The following JAG1 variants were observed in gnomAD, a reference collection of about 807,000 sequenced individuals.
The protein encoded by JAG1 is protein jagged-1.
Under a neutral mutation model 148.7 loss-of-function variants are expected in JAG1, and 23 were observed. That is an observed-to-expected ratio of 0.15 (90% CI 0.11 to 0.22). The LOEUF (loss-of-function observed/expected upper bound fraction) is 0.22, where lower values mean the gene tolerates loss of function less well. Ranked by LOEUF, JAG1 falls within the 10% of genes least tolerant of loss-of-function variation. The pLI is 1.00. For missense variants in JAG1, 1,054 were observed against 1,611.2 expected, an observed-to-expected ratio of 0.65 and a Z score of 5.92; for synonymous variants, 572 against 598.3, an observed-to-expected ratio of 0.96 and a Z score of 0.64.
chr20:10,639,465 A>T lies in JAG1; in HGVS notation c.*33T>A. ...AGTTTAAAGAACTACAAGCCCTCAG[A>T]CTCTACCTAGCGGCGGCAGTGCCCG... On this transcript the variant is annotated 3_prime_UTR_variant, in exon 26 of 26. Transcript: ENST00000254958. The T allele has an allele frequency of 6.4e-7, 1 of 1,573,900 alleles. No homozygotes were observed. The highest frequency in any genetic ancestry group is 1.1e-5 in the South Asian group (1 of 90,298).
At chr20:10,669,014 G>GTTAC (rs887271642) in intron 2 of JAG1, among the ~76,000 whole-genome samples, 1 of 124,744 alleles carries the variant, frequency 8.0e-6, no homozygotes, top group African/African-American at 3.2e-5. Context: ...AACACAGAAG[G>GTTAC]TTACACCTGC....
At chr20:10,659,939 C>G (rs770674802) in intron 3 of JAG1, among the ~76,000 whole-genome samples, 1 of 152,164 alleles carries the variant, frequency 6.6e-6, no homozygotes, top group Non-Finnish European at 1.5e-5. Flanking sequence ...TCTGAAAAGG[C>G]AGCAAGGCAC....
intron 5 of JAG1, among the ~76,000 whole-genome samples, chr20:10,655,942 C>T (rs1460046487): frequency 1.3e-5 from 2 of 152,088 alleles, no homozygotes; most frequent in Non-Finnish European, 2.9e-5. Context: ...ACCCAGCTCC[C>T]GCCTGCAAAG....
Position 10,651,608 on chromosome 20 carries a change from C to A in JAG1, c.1093G>T (p.Gly365Cys). Reference sequence around the variant, plus strand: ...GTAGAGCATGTGGGGCCGGTCCAGCCTGGGGAACACTCACACTCAAAGCCC... The same window carrying A: ...GTAGAGCATGTGGGGCCGGTCCAGCATGGGGAACACTCACACTCAAAGCCC... ...SLGFECECSP[G>C]WTGPTCSTNI... The change falls in exon 8 of 26, where the codon GGC becomes TGC. Residue 365 changes from glycine (G) to cysteine (C), a missense_variant. Physicochemically the swap from Gly to Cys is radical, Grantham distance 159 (BLOSUM62 -3). Around this residue, in one of 6 missense-constraint regions of JAG1, gnomAD observed 245 missense variants for 373.1 expected, o/e 0.66. Coordinates refer to ENST00000254958, the MANE Select transcript of JAG1 (RefSeq NM_000214.3). The A allele has an allele frequency of 1.2e-6, 2 of 1,613,804 alleles. No homozygotes were observed. Among genetic ancestry groups the A allele is most frequent in the Non-Finnish European group, 1.7e-6 (2 of 1,179,726 alleles).
intron 4 of JAG1, among the ~76,000 whole-genome samples, chr20:10,657,738 A>T (rs12625256): frequency 0.38 from 57,296 of 152,102 alleles, 11,480 homozygotes; most frequent in East Asian, 0.45. Flanking sequence ...GGGACAGTAG[A>T]CAGCACAGAG....
At chr20:10,671,451 TA>T (rs2067494240) in intron 2 of JAG1, among the ~76,000 whole-genome samples, 1 of 152,140 alleles carries the variant, frequency 6.6e-6, no homozygotes, top group African/African-American at 2.4e-5. Context: ...CCAGCTCCTG[TA>T]ATCGTGGATT....
At chr20:10,649,217 T>G (rs566333260) in intron 10 of JAG1, 110 bp from the exon 11 acceptor site, 4 of 801,140 alleles carry the variant, frequency 5.0e-6, no homozygotes, top group South Asian at 3.0e-5. Flanking sequence ...AGATTTCCTG[T>G]GTGCTTTCCG....
At chr20:10,650,994 A>G (rs1222678406) in intron 8 of JAG1, 2 of 159,726 alleles carry the variant, frequency 1.3e-5, no homozygotes, top group African/African-American at 2.4e-5. Context: ...GACCCCAGAA[A>G]TCCACATCCA....
intron 4 of JAG1, among the ~76,000 whole-genome samples, chr20:10,657,460 G>T (rs2031622630): frequency 6.6e-6 from 1 of 151,570 alleles, no homozygotes; most frequent in African/African-American, 2.4e-5. Flanking sequence ...TTGAATTCCA[G>T]AAATGCCATC....
Position 10,647,978 on chromosome 20 carries a change from G to A in JAG1, c.1702C>T (p.Arg568Cys), listed in dbSNP as rs748384232. 6.8e-6 allele frequency: 11 copies of A among 1,614,036 alleles called. No individual in the cohort carries two copies. The highest frequency in any genetic ancestry group is 1.1e-5 in the South Asian group (1 of 91,076). Residue 568 changes from arginine to cysteine, a missense_variant, in exon 13 of 26, where the codon CGC (arginine) becomes TGC (cysteine). Around this residue, in one of 6 missense-constraint regions of JAG1, gnomAD observed 245 missense variants for 373.1 expected, o/e 0.66. Transcript: ENST00000254958. ...GAGGTACCTTCACAGGGGGTCGTGCGGCAGTGGTCTTTCAGGTGTGAGCAG... is the reference window on the plus strand; with the variant it reads ...GAGGTACCTTCACAGGGGGTCGTGCAGCAGTGGTCTTTCAGGTGTGAGCAG... ...KNCSHLKDHC[R>C]TTPCEVIDSC...
In JAG1 at chr20:10,672,806, G is replaced by A. The variant is rs772592163; in HGVS notation, c.282C>T (p.Phe94=). 2.5e-6 allele frequency: 4 copies of A among 1,613,188 alleles called. No individual in the cohort carries two copies. In the East Asian group the frequency reaches 8.9e-5, roughly 36 times the overall value. The change falls in exon 2 of 26, where the codon TTC becomes TTT. Residue 94 remains phenylalanine (F), a synonymous_variant. Coordinates refer to ENST00000254958, the MANE Select transcript of JAG1 (RefSeq NM_000214.3). ...SRVTAGGPCS[F]GSGSTPVIGG... ...CGATGACAGGCGTGGACCCTGAGCC[G>A]AAGCTGCAGGGCCCCCCGGCCGTGA... is the stretch of plus-strand genomic sequence containing the variant.
At chr20:10,672,408 T>C (rs2067502845) in intron 2 of JAG1, among the ~76,000 whole-genome samples, 1 of 152,140 alleles carries the variant, frequency 6.6e-6, no homozygotes, top group African/African-American at 2.4e-5. Context: ...CTCTGGGAAC[T>C]TCAAGTTGCA....
Position 10,643,738 on chromosome 20 carries a change from G to A in JAG1, c.2458+40C>T, listed in dbSNP as rs199571405. ...CTTGGGGTGAGGCATGGAATGAAGC[G>A]GTAAAGCCATTGGGAAAACCAGACG... On this transcript the variant is annotated intron_variant, in intron 20 of 25. Transcript: ENST00000254958. The A allele has an allele frequency of 6.4e-4, 953 of 1,500,122 alleles. 1 individual carries two copies. Among genetic ancestry groups the A allele is most frequent in the Non-Finnish European group, 6.5e-4 (701 of 1,077,274 alleles). 92.9% of individuals were successfully genotyped at this position (1,500,122 alleles called of 1,614,324 possible).
intron 25 of JAG1, 120 bp from the exon 26 acceptor site, chr20:10,640,075 A>C (rs997327515): frequency 1.3e-6 from 1 of 792,352 alleles, no homozygotes; most frequent in Admixed American, 2.0e-5. Flanking sequence ...GGGGGGCCAC[A>C]GGGACAAGTC....
chr20:10,656,491 C>G (rs769605391), intron 4 of JAG1, 33 bp from the exon 5 acceptor site: 1 of 1,590,558 alleles, frequency 6.3e-7, no homozygotes, highest in South Asian at 1.1e-5. Flanking sequence ...TGTCAGCACA[C>G]TGCCTGTTCC....
At position 10,639,309 on chromosome 20, in the gene JAG1, G is replaced by A. The variant is rs2067253587; in HGVS notation, c.*189C>T. On this transcript the variant is annotated 3_prime_UTR_variant, in exon 26 of 26. Transcript: ENST00000254958. Reference sequence around the variant, plus strand: ...CTGTTGACTAGCTTTTTGCATAGCTGTGAGATGCGGCACTCGATTTCCCAG... The same window carrying A: ...CTGTTGACTAGCTTTTTGCATAGCTATGAGATGCGGCACTCGATTTCCCAG... 7.3e-6 allele frequency: 5 copies of A among 681,024 alleles called. No individual in the cohort carries two copies. The highest frequency in any genetic ancestry group is 1.3e-5 in the Non-Finnish European group (5 of 373,730). The allele number at this position is 681,024 out of a possible 1,614,324, so 42.2% of individuals were successfully genotyped here. A position where few individuals can be genotyped will look rare whatever the true frequency, so the allele number is the denominator to read the frequency against.
chr20:10,669,588 A>AAAAAAAAAAAT (rs2067481928), intron 2 of JAG1, among the ~76,000 whole-genome samples: 1 of 136,042 alleles, frequency 7.4e-6, no homozygotes. Flanking sequence ...AAAAAAAAAA[A>AAAAAAAAAAAT]GTTGATCTCA....
At chr20:10,641,324 G>A in intron 23 of JAG1, 80 bp from the exon 24 acceptor site, 2 of 1,579,136 alleles carry the variant, frequency 1.3e-6, no homozygotes, top group African/African-American at 1.3e-5. Flanking sequence ...TTTGAGGCTG[G>A]CTAAGTTCAA....
chr20:10,656,341 TC>T (rs1600187774), intron 5 of JAG1, 56 bp downstream of exon 5: 6 of 1,388,006 alleles, frequency 4.3e-6, no homozygotes, highest in Non-Finnish European at 3.1e-6. Flanking sequence ...TAAAGTCAGT[TC>T]CTCTCTTACA....
Sources: allele counts gnomAD v4.1 joint callset (sites outside exome capture counted in the v4.1 genomes callset), GRCh38; gene constraint gnomAD v4.1.1; regional missense constraint gnomAD v4.1.1; transcripts MANE v1.5; gene names NCBI Gene and HGNC (gene_info 2026-07-23, HGNC 2026-07-21).